DOP1A: variants seen among roughly 807,000 people sequenced by gnomAD.
DOP1A encodes DOP1 leucine zipper like protein A.
In DOP1A, 90 loss-of-function variants were observed where a neutral mutation model predicts 267.6. That is an observed-to-expected ratio of 0.34 (90% CI 0.28 to 0.40). The LOEUF is 0.40. DOP1A is among the 10% of genes least tolerant of loss of function. The pLI is 1.00. For missense variants in DOP1A, 2,437 were observed against 2,900.4 expected (o/e 0.84, Z 3.67); for synonymous variants, 932 against 999.1 (o/e 0.93, Z 1.27).
intron 1 of DOP1A, among the ~76,000 whole-genome samples, chr6:83,073,642 TGTA>T (rs1785983131): frequency 6.6e-6 from 1 of 152,256 alleles, no homozygotes; most frequent in South Asian, 2.1e-4. Context: ...TATCTCAAAA[TGTA>T]GTGATTTAAA....
At chr6:83,152,503 A>G (rs988148965) in intron 30 of DOP1A, 136 bp downstream of exon 30, 23 of 401,556 alleles carry the variant, frequency 5.7e-5, no homozygotes, top group African/African-American at 8.3e-5. Context: ...TAGAATTAAT[A>G]TAAAGTTTTG....
rs1359400755 is a variant in DOP1A, at chr6:83,156,062, G to A, written c.6563G>A (p.Ser2188Asn). 1 of 1,613,874 alleles carries A rather than the reference G, an allele frequency of 6.2e-7. No homozygotes were observed. The highest frequency in any genetic ancestry group is 8.5e-7 in the Non-Finnish European group (1 of 1,179,848). The change falls in exon 34 of 39, where the codon AGT becomes AAT. Residue 2188 changes from serine to asparagine, a missense_variant. By Grantham distance (46) the Ser-to-Asn change is conservative (BLOSUM62 1). Around this residue, in one of 9 missense-constraint regions of DOP1A, gnomAD observed 75 missense variants for 149.6 expected, o/e 0.50. Transcript: ENST00000349129. ...LKRLAFAIFS[S>N]EIDQYQKYLP... is the part of the protein sequence containing the mutation. ...AGATTAGCATTTGCTATTTTTAGCA[G>A]TGAAATTGACCAGTACCAGAAATAT...
intron 19 of DOP1A, chr6:83,134,499 G>GATCTACA: frequency 2.3e-6 from 1 of 439,366 alleles, no homozygotes; most frequent in Non-Finnish European, 4.0e-6. Flanking sequence ...GGAGTACCCG[G>GATCTACA]CTCCACTTCC....
At chr6:83,103,137 T>C (rs1582943473) in intron 4 of DOP1A, among the ~76,000 whole-genome samples, 1 of 152,302 alleles carries the variant, frequency 6.6e-6, no homozygotes, top group East Asian at 1.9e-4. Context: ...TGTTGGACTT[T>C]AAAAAATCTG....
chr6:83,104,385 G>T (rs771031144), intron 4 of DOP1A, among the ~76,000 whole-genome samples: 9 of 152,070 alleles, frequency 5.9e-5, no homozygotes, highest in Admixed American at 3.9e-4. Context: ...AAATATTTTT[G>T]AAGGTTCAAT....
chr6:83,169,015 G>A (rs183067035), downstream of DOP1A: 2 of 1,345,314 alleles, frequency 1.5e-6, no homozygotes, highest in East Asian at 5.7e-5. Context: ...TTTTACATTA[G>A]TGAGACTGAA....
intron 30 of DOP1A, 119 bp from the exon 31 acceptor site, chr6:83,153,392 T>TA: frequency 1.8e-6 from 1 of 558,306 alleles, no homozygotes; most frequent in Non-Finnish European, 3.0e-6. Flanking sequence ...CAGGAAGATT[T>TA]AATTTTAGAT....
chr6:83,082,610 AATG>A (rs1201359309), intron 1 of DOP1A, among the ~76,000 whole-genome samples: 2 of 152,154 alleles, frequency 1.3e-5, no homozygotes, highest in African/African-American at 2.4e-5. Context: ...GGCTATGGTT[AATG>A]ATGATATGTT....
chr6:83,079,867 C>A (rs1767779879), intron 1 of DOP1A, among the ~76,000 whole-genome samples: 1 of 151,888 alleles, frequency 6.6e-6, no homozygotes, highest in South Asian at 2.1e-4. Flanking sequence ...GAAAGAAATA[C>A]ATGGTGGGAT....
intron 30 of DOP1A, 77 bp from the exon 31 acceptor site, chr6:83,153,434 A>C (rs1782124506): frequency 1.1e-6 from 1 of 892,220 alleles, no homozygotes; most frequent in South Asian, 2.3e-5. Context: ...AGGTTTTCTA[A>C]CAAACTGAAA....
rs1460684868 is a variant in DOP1A at position 83,118,990 on chromosome 6, A to G, written c.880+3A>G. 6 of 1,612,820 alleles carry G rather than the reference A, an allele frequency of 3.7e-6. No homozygotes were observed. In the East Asian group the frequency reaches 1.3e-4, roughly 36 times the overall value. Reference sequence around the variant, plus strand: ...AAGACTTTATGCATGGCTTCTTGGTAGGTATTTGATGTCTGTGGTCATGAT... The same window carrying G: ...AAGACTTTATGCATGGCTTCTTGGTGGGTATTTGATGTCTGTGGTCATGAT... On this transcript the variant is annotated splice_donor_region_variant and intron_variant, in intron 8 of 38. Transcript: ENST00000349129.
Position 83,129,517 on chromosome 6 carries a change from A to G in DOP1A, c.2341+9A>G, listed in dbSNP as rs1258129223. On this transcript the variant is annotated intron_variant, in intron 16 of 38. Coordinates refer to ENST00000349129, the MANE Select transcript of DOP1A (RefSeq NM_015018.4). ...TGAAAAATTGGAGACTGGTAAGGTCATCTCAGTTTTGCTTATATTTCAGTA... is the reference window on the plus strand; with the variant it reads ...TGAAAAATTGGAGACTGGTAAGGTCGTCTCAGTTTTGCTTATATTTCAGTA... 6.7e-7 allele frequency: 1 copy of G among 1,498,704 alleles called. No individual in the cohort carries two copies. Among genetic ancestry groups the G allele is most frequent in the South Asian group, 1.5e-5 (1 of 68,800 alleles). 92.8% of individuals were successfully genotyped at this position (1,498,704 alleles called of 1,614,324 possible). A position where few individuals can be genotyped will look rare whatever the true frequency, so the allele number is the denominator to read the frequency against.
chr6:83,125,459 C>T, intron 14 of DOP1A, 41 bp from the exon 15 acceptor site: 1 of 1,579,114 alleles, frequency 6.3e-7, no homozygotes, highest in Non-Finnish European at 8.7e-7. Flanking sequence ...CTTTTGGGTT[C>T]CACATTGTTT....
intron 3 of DOP1A, among the ~76,000 whole-genome samples, chr6:83,098,529 G>T (rs1204147939): frequency 1.3e-5 from 2 of 152,170 alleles, no homozygotes; most frequent in Admixed American, 6.5e-5. Flanking sequence ...TGATCAACTG[G>T]CTATAAAGTT....
intron 11 of DOP1A, among the ~76,000 whole-genome samples, chr6:83,122,309 A>G (rs1776495859): frequency 1.3e-5 from 2 of 151,914 alleles, no homozygotes; most frequent in Non-Finnish European, 1.5e-5. Context: ...TTGCCACTTG[A>G]AATAACAAAG....
At chr6:83,103,171 A>C (rs1772914170) in intron 4 of DOP1A, among the ~76,000 whole-genome samples, 1 of 152,244 alleles carries the variant, frequency 6.6e-6, no homozygotes, top group African/African-American at 2.4e-5. Flanking sequence ...AAGGAATGAA[A>C]TAATGGCATT....
At chr6:83,153,684 C>A in intron 31 of DOP1A, 64 bp downstream of exon 31, 1 of 1,313,172 alleles carries the variant, frequency 7.6e-7, no homozygotes, top group Non-Finnish European at 1.0e-6. Context: ...AAGTTCTGTT[C>A]CCTTATTGCC....
chr6:83,073,757 AAGTGGCTC>A (rs1562262255), intron 1 of DOP1A, among the ~76,000 whole-genome samples: 2 of 152,120 alleles, frequency 1.3e-5, no homozygotes. Flanking sequence ...CTCACTTTCG[AAGTGGCTC>A]ACTCATGACT....
rs1490982968 is a variant in DOP1A, at chr6:83,138,189, T to C, written c.4147T>C (p.Tyr1383His). 6.2e-7 allele frequency: 1 copy of C among 1,613,922 alleles called. No individual in the cohort carries two copies. Among genetic ancestry groups the C allele is most frequent in the South Asian group, 1.1e-5 (1 of 91,068 alleles). Residue 1383 changes from tyrosine (Y) to histidine (H), a missense_variant, in exon 21 of 39, where the codon TAT becomes CAT. By Grantham distance (83) the Tyr-to-His change is moderately conservative. This residue lies in a region of DOP1A where 878 missense variants were observed against 992.9 expected (regional missense o/e 0.88). Transcript: ENST00000349129. ...GTTGTATGATTCATCCAGGACTTTG[T>C]ATGCTTTCTCTGCCATCAAAGCCAT... The part of the protein sequence containing the change: ...LQLYDSSRTL[Y>H]AFSAIKAILK...
Sources: gnomAD v4.1 joint callset for allele counts (sites outside exome capture counted in the v4.1 genomes callset) on GRCh38, gnomAD v4.1.1 for gene constraint, gnomAD v4.1.1 regional missense constraint, MANE v1.5 for transcripts, NCBI Gene and HGNC (gene_info 2026-07-23, HGNC 2026-07-21) for gene names.